RGS8: variants seen among roughly 807,000 people sequenced by gnomAD.
RGS8 encodes the protein regulator of G protein signaling 8.
Under a neutral mutation model 21.7 loss-of-function variants are expected in RGS8, and 8 were observed. The observed-to-expected ratio is 0.37, with a 90% CI of 0.22 to 0.66. The LOEUF (loss-of-function observed/expected upper bound fraction) is 0.66, where lower values mean the gene tolerates loss of function less well. RGS8 is among the 30% of genes least tolerant of loss of function. The probability of loss-of-function intolerance (pLI) is 0.59; values close to 1 mark genes in which losing one functional copy is unlikely to be tolerated. For synonymous variants in RGS8, 80 were observed against 83.6 expected (o/e 0.96, Z 0.24); for missense variants, 157 against 217.9 (o/e 0.72, Z 1.76).
At chr1:182,720,997 G>GTGTATATATACATATATACACATATATA in the RGS8 span, among the ~76,000 whole-genome samples, 1 of 100,082 alleles carries the variant, frequency 1.0e-5, no homozygotes, top group Non-Finnish European at 2.1e-5. Context: ...ATATATATGT[G>GTGTATATATACATATATACACATATATA]TGTATATATA....
downstream of RGS8, chr1:182,644,238 G>T (rs567172661): frequency 2.0e-5 from 3 of 152,338 alleles, no homozygotes; most frequent in South Asian, 6.2e-4. Flanking sequence ...GGAGAGCTCT[G>T]TGCCTCTTGT....
the RGS8 span, among the ~76,000 whole-genome samples, chr1:182,723,563 A>C: frequency 1.3e-5 from 2 of 152,228 alleles, no homozygotes; most frequent in Non-Finnish European, 2.9e-5. Flanking sequence ...AGAAATTGCA[A>C]TCTTATTAAA....
intron 5 of RGS8, among the ~76,000 whole-genome samples, chr1:182,661,135 C>A (rs1467339972): frequency 6.6e-6 from 1 of 151,260 alleles, no homozygotes. Flanking sequence ...CAGCTCCAGT[C>A]ATTATATTTT....
the RGS8 span, among the ~76,000 whole-genome samples, chr1:182,698,490 T>C: frequency 6.6e-6 from 1 of 152,208 alleles, no homozygotes; most frequent in Admixed American, 6.5e-5. Context: ...AAACATGAAA[T>C]AATTTGTTAT....
chr1:182,745,962 A>G, the RGS8 span, among the ~76,000 whole-genome samples: 2 of 152,198 alleles, frequency 1.3e-5, no homozygotes, highest in African/African-American at 4.8e-5. Context: ...GATTTTTCCC[A>G]CATGTACATC....
At chr1:182,656,670 G>T (rs1049659759) in intron 5 of RGS8, among the ~76,000 whole-genome samples, 1 of 152,172 alleles carries the variant, frequency 6.6e-6, no homozygotes, top group Non-Finnish European at 1.5e-5. Context: ...AAGAGTGAGA[G>T]GAAAACCAAA....
chr1:182,695,991 A>G, the RGS8 span, among the ~76,000 whole-genome samples: 3 of 152,232 alleles, frequency 2.0e-5, no homozygotes, highest in African/African-American at 7.2e-5. Flanking sequence ...GGATGAATGA[A>G]CATCTAAACC....
intron 5 of RGS8, among the ~76,000 whole-genome samples, chr1:182,649,796 G>T (rs1662907687): frequency 6.6e-6 from 1 of 152,038 alleles, no homozygotes; most frequent in African/African-American, 2.4e-5. Context: ...TCAGGGGAAG[G>T]GCACATACAA....
chr1:182,712,573 G>A, the RGS8 span, among the ~76,000 whole-genome samples: 13 of 152,142 alleles, frequency 8.5e-5, no homozygotes, highest in Non-Finnish European at 1.0e-4. Flanking sequence ...AAAAATATGG[G>A]CATCCTTCAA....
At chr1:182,739,971 C>T in the RGS8 span, among the ~76,000 whole-genome samples, 1 of 152,176 alleles carries the variant, frequency 6.6e-6, no homozygotes, top group Admixed American at 6.5e-5. Context: ...CTCCCAACAC[C>T]CAACCCCCAA....
chr1:182,675,209 A>C (rs1210785487), upstream of RGS8, among the ~76,000 whole-genome samples: 2 of 152,172 alleles, frequency 1.3e-5, no homozygotes, highest in African/African-American at 4.8e-5. Flanking sequence ...AGGGACCCTA[A>C]GCCTAACCCT....
chr1:182,718,548 T>A, the RGS8 span, among the ~76,000 whole-genome samples: 5 of 152,164 alleles, frequency 3.3e-5, no homozygotes, highest in Admixed American at 1.3e-4. Context: ...GTGGGAGCCA[T>A]GATACTGCAG....
At chr1:182,665,942 T>C (rs775891964) in intron 5 of RGS8, 27 bp downstream of exon 6, 20 of 1,592,994 alleles carry the variant, frequency 1.3e-5, no homozygotes, top group Non-Finnish European at 1.7e-5. Flanking sequence ...ATTTGCCATG[T>C]CATGATACGA....
chr1:182,674,600 T>G (rs74883574), upstream of RGS8, among the ~76,000 whole-genome samples: 87 of 152,328 alleles, frequency 5.7e-4, 2 homozygotes, highest in East Asian at 0.015. Context: ...GGCCAGGGCA[T>G]AATTTCAGGG....
chr1:182,690,886 T>C, the RGS8 span, among the ~76,000 whole-genome samples: 3 of 152,316 alleles, frequency 2.0e-5, no homozygotes, highest in Middle Eastern at 0.01. Context: ...AGGATGCAAG[T>C]AGACTTGAAA....
the RGS8 span, among the ~76,000 whole-genome samples, chr1:182,722,016 A>C: frequency 6.6e-6 from 1 of 152,340 alleles, no homozygotes; most frequent in Non-Finnish European, 1.5e-5. Context: ...AATCAAACGT[A>C]TCAGAATTGC....
At chr1:182,737,302 C>T in the RGS8 span, among the ~76,000 whole-genome samples, 1 of 149,546 alleles carries the variant, frequency 6.7e-6, no homozygotes, top group Non-Finnish European at 1.5e-5. Context: ...AAAAAATTAA[C>T]TATATAATAA....
At chr1:182,656,461 C>G (rs1434291092) in intron 5 of RGS8, among the ~76,000 whole-genome samples, 3 of 152,354 alleles carry the variant, frequency 2.0e-5, no homozygotes, top group Middle Eastern at 6.8e-3. Flanking sequence ...AGTCTCTTCT[C>G]TCCCACAAAA....
chr1:182,742,300 G>A, the RGS8 span, among the ~76,000 whole-genome samples: 1 of 150,830 alleles, frequency 6.6e-6, no homozygotes, highest in Non-Finnish European at 1.5e-5. Context: ...GACGATGGGT[G>A]GCCAGGCGGA....
Sources: allele counts gnomAD v4.1 joint callset (sites outside exome capture counted in the v4.1 genomes callset), GRCh38; gene constraint gnomAD v4.1.1; transcripts MANE v1.5; gene names NCBI Gene and HGNC (gene_info 2026-07-23, HGNC 2026-07-21).